Variants in CNKSR2 observed in about 807,000 individuals in gnomAD.
CNKSR2 encodes the protein connector enhancer of kinase suppressor of Ras 2, also known as CNK homolog protein 2.
A neutral mutation model predicts 84.4 loss-of-function variants in CNKSR2; 14 were observed. That is an observed-to-expected ratio of 0.17 (90% confidence interval 0.11 to 0.26). CNKSR2 has a LOEUF of 0.26. CNKSR2 is among the 10% of genes least tolerant of loss of function. The probability of loss-of-function intolerance (pLI) is 1.00; values close to 1 mark genes in which losing one functional copy is unlikely to be tolerated. For synonymous variants in CNKSR2, 275 were observed against 277.9 expected (o/e 0.99, Z 0.10); for missense variants, 485 against 771.2 (o/e 0.63, Z 4.40).
At chrX:21,584,264 A>G (rs1037975650) in intron 13 of CNKSR2, among the ~76,000 whole-genome samples, 1 of 112,278 alleles carries the variant, frequency 8.9e-6, no homozygotes, top group African/African-American at 3.2e-5. Context: ...ACATGGATTC[A>G]TAGACTTCTT....
At chrX:21,480,554 C>CT (rs1167131573) in intron 5 of CNKSR2, among the ~76,000 whole-genome samples, 4 of 112,069 alleles carry the variant, frequency 3.6e-5, no homozygotes, top group African/African-American at 6.5e-5. Flanking sequence ...CTGCTTGTCT[C>CT]TGTTTCCTGC....
chrX:21,649,134 A>G (rs747788465), intron 21 of CNKSR2, 107 bp downstream of exon 21: 4 of 529,900 alleles, frequency 7.5e-6, no homozygotes, highest in Admixed American at 7.3e-5. Flanking sequence ...GGGGAGAAGA[A>G]GAGGCAAGCA....
intron 1 of CNKSR2, among the ~76,000 whole-genome samples, chrX:21,386,059 A>T (rs1387091056): frequency 9.4e-6 from 1 of 106,293 alleles, no homozygotes; most frequent in Admixed American, 1.0e-4. Context: ...CCTGAGCACT[A>T]CTGCCAAGAA....
At chrX:21,587,111 C>T (rs192947778) in intron 13 of CNKSR2, among the ~76,000 whole-genome samples, 230 of 111,707 alleles carry the variant, frequency 2.1e-3, no homozygotes, top group Non-Finnish European at 2.9e-3. Context: ...TTAGAAGCTA[C>T]AGAGAAACTA....
At chrX:21,539,434 A>G (rs758344096) in intron 11 of CNKSR2, among the ~76,000 whole-genome samples, 13 of 109,497 alleles carry the variant, frequency 1.2e-4, no homozygotes, top group South Asian at 7.6e-4. Flanking sequence ...AATTGTCTGT[A>G]TTTTCTTATA....
intron 1 of CNKSR2, chrX:21,424,812 C>T (rs2090543884): frequency 8.9e-6 from 1 of 111,802 alleles, no homozygotes; most frequent in Non-Finnish European, 1.9e-5. Flanking sequence ...TCCTGTTTAG[C>T]TCTGTGACAC....
chrX:21,554,476 C>T (rs2092120689), intron 11 of CNKSR2, among the ~76,000 whole-genome samples: 3 of 111,081 alleles, frequency 2.7e-5, no homozygotes, highest in African/African-American at 6.5e-5. Context: ...GATCCTCTCC[C>T]TCCTCCCACC....
chrX:21,466,138 C>T (rs1318148821), intron 4 of CNKSR2, among the ~76,000 whole-genome samples: 2 of 111,801 alleles, frequency 1.8e-5, no homozygotes, highest in Admixed American at 9.5e-5. Flanking sequence ...GCTTGAGCTA[C>T]TGAAGAGAAT....
At chrX:21,420,051 C>T (rs746302047) in intron 1 of CNKSR2, among the ~76,000 whole-genome samples, 2 of 112,213 alleles carry the variant, frequency 1.8e-5, no homozygotes, top group Admixed American at 1.9e-4. Flanking sequence ...GCATTTAAAA[C>T]CTTAGAAGTG....
intron 1 of CNKSR2, among the ~76,000 whole-genome samples, chrX:21,376,245 T>C (rs1176406356): frequency 1.8e-5 from 2 of 112,361 alleles, no homozygotes; most frequent in African/African-American, 6.5e-5. Context: ...TTTTTTTTGC[T>C]CATTCTTTTC....
intron 11 of CNKSR2, among the ~76,000 whole-genome samples, chrX:21,548,684 C>T (rs2092053326): frequency 2.7e-5 from 3 of 111,976 alleles, no homozygotes; most frequent in South Asian, 7.4e-4. Flanking sequence ...AAAATACTGG[C>T]AAACCAAATC....
intron 11 of CNKSR2, among the ~76,000 whole-genome samples, chrX:21,541,074 C>T (rs2091972715): frequency 9.1e-6 from 1 of 109,903 alleles, no homozygotes; most frequent in South Asian, 3.9e-4. Flanking sequence ...CCTCCACTTC[C>T]CGGGTTCAAG....
In CNKSR2 at chrX:21,539,584, G is replaced by T. The variant is rs184082938; in HGVS notation, c.1303+7517G>T. 2.0e-4 allele frequency among the ~76,000 whole-genome samples: 22 copies of T among 110,580 alleles called. No homozygotes were observed. In the East Asian group the frequency reaches 4.0e-3, roughly 20 times the overall value. ...TTCCTTACTTTTTCATGTTTCTCAT[G>T]ACCTTACATTGATATCTGTGCATCT... On this transcript the variant is annotated intron_variant, in intron 11 of 21. Coordinates refer to ENST00000379510, the MANE Select transcript of CNKSR2 (RefSeq NM_014927.5).
chrX:21,604,987 T>C (rs1049077113), intron 18 of CNKSR2, among the ~76,000 whole-genome samples: 2 of 112,064 alleles, frequency 1.8e-5, no homozygotes, highest in African/African-American at 6.5e-5. Context: ...CCCAAGAAGA[T>C]AAGCAGTTCT....
At chrX:21,425,406 G>A (rs1391106084) in intron 1 of CNKSR2, 1 of 111,707 alleles carries the variant, frequency 9.0e-6, no homozygotes, top group African/African-American at 3.3e-5. Flanking sequence ...AGACATCTGT[G>A]GCCTTATACT....
At chrX:21,637,087 G>A (rs2092675707) in intron 20 of CNKSR2, among the ~76,000 whole-genome samples, 1 of 111,759 alleles carries the variant, frequency 8.9e-6, no homozygotes, top group Non-Finnish European at 1.9e-5. Context: ...GGGTACTTCA[G>A]ATCTGCCTTA....
intron 5 of CNKSR2, among the ~76,000 whole-genome samples, chrX:21,479,833 G>C (rs1235075551): frequency 9.1e-6 from 1 of 109,863 alleles, no homozygotes; most frequent in Non-Finnish European, 1.9e-5. Flanking sequence ...TTAGGATGAT[G>C]CTGTGAGTAA....
At chrX:21,396,762 C>T (rs1366574887) in intron 1 of CNKSR2, among the ~76,000 whole-genome samples, 1 of 111,345 alleles carries the variant, frequency 9.0e-6, no homozygotes, top group East Asian at 2.8e-4. Context: ...CATCTGAGCT[C>T]GGAGAGGTTA....
intron 5 of CNKSR2, among the ~76,000 whole-genome samples, chrX:21,473,924 A>T (rs2091231572): frequency 9.5e-6 from 1 of 105,111 alleles, no homozygotes; most frequent in East Asian, 3.0e-4. Context: ...TTTTTTTTGT[A>T]TTTTTTAGTA....
Sources: allele counts gnomAD v4.1 joint callset (sites outside exome capture counted in the v4.1 genomes callset), GRCh38; gene constraint gnomAD v4.1.1; transcripts MANE v1.5; gene names NCBI Gene and HGNC (gene_info 2026-07-23, HGNC 2026-07-21).